NAALADL2: variants seen among roughly 807,000 people sequenced by gnomAD.
NAALADL2 encodes inactive N-acetylated-alpha-linked acidic dipeptidase-like protein 2.
In NAALADL2, 76 loss-of-function variants were observed where a neutral mutation model predicts 87.2. That is an observed-to-expected ratio of 0.87 (90% CI 0.72 to 1.05). The LOEUF (loss-of-function observed/expected upper bound fraction) is 1.05, where lower values mean the gene tolerates loss of function less well. Among genes scored for constraint, NAALADL2 ranks in the 50% least tolerant of loss-of-function variants. NAALADL2 has a pLI of 0.00. For synonymous variants in NAALADL2, 354 were observed against 331.0 expected (o/e 1.07, Z -0.75); for missense variants, 1,089 against 945.8 (o/e 1.15, Z -1.99).
At chr3:174,666,845 A>C (rs774645436) in intron 2 of NAALADL2, among the ~76,000 whole-genome samples, 3 of 151,894 alleles carry the variant, frequency 2.0e-5, no homozygotes, top group Non-Finnish European at 2.9e-5. Flanking sequence ...ATTTTCTACA[A>C]CCTCCAGCCC....
upstream of NAALADL2, among the ~76,000 whole-genome samples, chr3:174,857,108 A>T (rs1008813067): frequency 6.6e-6 from 1 of 152,134 alleles, no homozygotes; most frequent in African/African-American, 2.4e-5. Flanking sequence ...CAAGGAAGGG[A>T]CCTGAACTCA....
chr3:174,737,616 A>G (rs980538138), intron 2 of NAALADL2: 6 of 152,130 alleles, frequency 3.9e-5, no homozygotes, highest in Admixed American at 1.3e-4. Flanking sequence ...TCCCAATTTA[A>G]CTCTGGTTTT....
intron 1 of NAALADL2, among the ~76,000 whole-genome samples, chr3:174,963,950 A>C (rs2108573176): frequency 6.6e-6 from 1 of 152,264 alleles, no homozygotes; most frequent in East Asian, 1.9e-4. Flanking sequence ...GTTGAAGGTC[A>C]AAATTATCAT....
rs895883947 is a variant in NAALADL2 at position 175,726,456 on chromosome 3, A to G, written c.1897-10850A>G. Among the ~76,000 whole-genome samples the G allele has an allele frequency of 6.2e-4, 95 of 152,096 alleles. 1 individual carries two copies. The highest frequency in any genetic ancestry group is 2.6e-4 in the Admixed American group (4 of 15,246). On this transcript the variant is annotated intron_variant, in intron 11 of 13. Transcript: ENST00000454872. ...TAACACCTCCATGGAGCAATGCCCAATTGGTAGCTAGTGAATCAATACACT... is the reference window on the plus strand; with the variant it reads ...TAACACCTCCATGGAGCAATGCCCAGTTGGTAGCTAGTGAATCAATACACT...
At chr3:175,514,463 G>A (rs912403820) in intron 9 of NAALADL2, among the ~76,000 whole-genome samples, 1 of 152,202 alleles carries the variant, frequency 6.6e-6, no homozygotes, top group East Asian at 1.9e-4. Context: ...CATTTTAGGG[G>A]ACATTATGTA....
intron 5 of NAALADL2, among the ~76,000 whole-genome samples, chr3:175,373,228 C>A (rs1208377296): frequency 6.6e-6 from 1 of 151,996 alleles, no homozygotes. Flanking sequence ...TGAGTTTGGC[C>A]AGTGTAAACA....
At chr3:174,688,146 A>G (rs1353811110) in intron 2 of NAALADL2, among the ~76,000 whole-genome samples, 1 of 152,166 alleles carries the variant, frequency 6.6e-6, no homozygotes, top group African/African-American at 2.4e-5. Flanking sequence ...ATAAGCTGGT[A>G]TTAGCCAGTC....
chr3:175,324,241 A>C lies in NAALADL2; in HGVS notation c.1006A>C (p.Lys336Gln), dbSNP rs1326472774. Residue 336 changes from lysine to glutamine, a missense_variant, in exon 5 of 14, where the codon AAG becomes CAG. Physicochemically the swap from Lys to Gln is moderately conservative, Grantham distance 53. Transcript: ENST00000454872. ...GTATATCGATCCTTGTGATTTGCCAAAGACTGTGAATCCTAGCCATGATAC... is the reference window on the plus strand; with the variant it reads ...GTATATCGATCCTTGTGATTTGCCACAGACTGTGAATCCTAGCCATGATAC... ...LLYIDPCDLPKTVNPSHDTFM... is the reference protein window; with the variant it reads ...LLYIDPCDLPQTVNPSHDTFM... The C allele has an allele frequency of 6.2e-7, 1 of 1,613,710 alleles. No individual in the cohort carries two copies. The highest frequency in any genetic ancestry group is 1.1e-5 in the South Asian group (1 of 91,070).
intron 3 of NAALADL2, among the ~76,000 whole-genome samples, chr3:174,751,542 A>G (rs574771854): frequency 1.3e-4 from 19 of 151,778 alleles, no homozygotes; most frequent in African/African-American, 4.4e-4. Context: ...ACACGCCTGT[A>G]ATCCCAGCGA....
intron 1 of NAALADL2, among the ~76,000 whole-genome samples, chr3:175,028,783 A>C (rs1402426145): frequency 6.6e-6 from 1 of 151,904 alleles, no homozygotes; most frequent in African/African-American, 2.4e-5. Context: ...TTTTTTTAGA[A>C]GCTAAAATTT....
intron 8 of NAALADL2, among the ~76,000 whole-genome samples, chr3:175,471,129 T>C (rs1299467663): frequency 6.6e-6 from 1 of 152,180 alleles, no homozygotes. Context: ...CTTACCACTC[T>C]TGTTTAAAAT....
chr3:174,530,541 C>T (rs983212812), intron 1 of NAALADL2, among the ~76,000 whole-genome samples: 6 of 152,110 alleles, frequency 3.9e-5, no homozygotes, highest in African/African-American at 7.2e-5. Flanking sequence ...AAGACATACT[C>T]GAGACTGGGC....
rs373879274 is a variant in NAALADL2 at position 174,506,703 on chromosome 3, A to G, written c.-183-43866A>G. On this transcript the variant is annotated intron_variant, in intron 1 of 3. Coordinates refer to the NAALADL2 transcript ENST00000434257. ...TAGAAAGATGTAAGTTTACTCTTCT[A>G]TCAGCAGTATTTGAAAGTGCACCTT... Among the ~76,000 whole-genome samples, 113 of 152,342 alleles carry G rather than the reference A, an allele frequency of 7.4e-4. 3 individuals are homozygous for G. In the South Asian group the frequency reaches 0.022, roughly 29 times the overall value.
At chr3:174,576,981 G>A (rs767958754) in intron 2 of NAALADL2, among the ~76,000 whole-genome samples, 40 of 151,650 alleles carry the variant, frequency 2.6e-4, no homozygotes, top group Non-Finnish European at 4.4e-4. Context: ...TTTTCTAAAC[G>A]AGAGATATTT....
intron 4 of NAALADL2, among the ~76,000 whole-genome samples, chr3:175,287,698 T>C (rs1158931033): frequency 6.6e-6 from 1 of 152,208 alleles, no homozygotes; most frequent in African/African-American, 2.4e-5. Flanking sequence ...TATCTGGTAT[T>C]GCAAGTCTCC....
rs1483504868 is a variant in NAALADL2, at chr3:175,471,720, C to A, written c.1615C>A (p.Pro539Thr). Residue 539 changes from proline (P) to threonine (T), a missense_variant, in exon 9 of 14, where the codon CCT becomes ACT. Coordinates refer to ENST00000454872, the MANE Select transcript of NAALADL2 (RefSeq NM_207015.3). ...SPIRGNSSLYPVASPSLQQLV... is the reference protein window; with the variant it reads ...SPIRGNSSLYTVASPSLQQLV... ...CATAAGGGGGAACTCTAGTCTGTATCCTGTAGCATCACCATCTCTTCAGCA... is the reference window on the plus strand; with the variant it reads ...CATAAGGGGGAACTCTAGTCTGTATACTGTAGCATCACCATCTCTTCAGCA... 3.1e-6 allele frequency: 5 copies of A among 1,607,592 alleles called. No homozygotes were observed. The highest frequency in any genetic ancestry group is 4.3e-6 in the Non-Finnish European group (5 of 1,176,262).
chr3:175,673,818 C>T (rs1207324275), intron 11 of NAALADL2, among the ~76,000 whole-genome samples: 1 of 151,930 alleles, frequency 6.6e-6, no homozygotes, highest in African/African-American at 2.4e-5. Context: ...TCCCAACTTC[C>T]CAACTATTAT....
chr3:175,469,407 A>G (rs1724555150), intron 8 of NAALADL2, among the ~76,000 whole-genome samples: 1 of 152,058 alleles, frequency 6.6e-6, no homozygotes, highest in Admixed American at 6.6e-5. Flanking sequence ...GAGTGAGGAA[A>G]GCCCTTATTG....
chr3:174,890,907 G>T (rs1270740835), intron 1 of NAALADL2, among the ~76,000 whole-genome samples: 1 of 151,836 alleles, frequency 6.6e-6, no homozygotes, highest in African/African-American at 2.4e-5. Flanking sequence ...GTTTTTTCTG[G>T]CCATTACTTA....
Sources: allele counts gnomAD v4.1 joint callset (sites outside exome capture counted in the v4.1 genomes callset), GRCh38; gene constraint gnomAD v4.1.1; transcripts MANE v1.5; gene names NCBI Gene and HGNC (gene_info 2026-07-23, HGNC 2026-07-21).